Variants in CDH8 observed in about 807,000 individuals in gnomAD.
CDH8 encodes the protein cadherin-8.
A neutral mutation model predicts 68.1 loss-of-function variants in CDH8; 17 were observed. The ratio of observed to expected loss-of-function variants is 0.25; its 90% CI spans 0.17 to 0.37. The LOEUF is 0.37. CDH8 is among the 10% of genes least tolerant of loss of function. The probability of loss-of-function intolerance (pLI) is 1.00; values close to 1 mark genes in which losing one functional copy is unlikely to be tolerated. For synonymous variants in CDH8, 372 were observed against 365.1 expected, an observed-to-expected ratio of 1.02 and a Z score of -0.21; for missense variants, 763 against 999.3, an observed-to-expected ratio of 0.76 and a Z score of 3.19.
At chr16:61,909,783 T>C (rs1334664116) in intron 2 of CDH8, among the ~76,000 whole-genome samples, 2 of 152,118 alleles carry the variant, frequency 1.3e-5, no homozygotes, top group African/African-American at 4.8e-5. Context: ...CTGTAAAATT[T>C]TGAAATAGAA....
At position 61,789,281 on chromosome 16, in the gene CDH8, G is replaced by A. The variant is rs528382690; in HGVS notation, c.1414+65C>T. 9.3e-5 allele frequency: 133 copies of A among 1,428,478 alleles called. No individual in the cohort carries two copies. The East Asian group carries it at 2.1e-3, about 22-fold the overall frequency. The allele number at this position is 1,428,478 out of a possible 1,614,324, so 88.5% of individuals were successfully genotyped here. A position where few individuals can be genotyped will look rare whatever the true frequency, so the allele number is the denominator to read the frequency against. On this transcript the variant is annotated intron_variant, in intron 8 of 11. Transcript: ENST00000577390. ...AACAGAAACAGGGGCTGCTTATCAC[G>A]TTATTAATAAGCATAAATTGAACTC...
chr16:61,683,417 C>T (rs547556131), intron 10 of CDH8, among the ~76,000 whole-genome samples: 7 of 151,886 alleles, frequency 4.6e-5, no homozygotes, highest in Non-Finnish European at 8.8e-5. Flanking sequence ...AATAAGAATA[C>T]GATGACATAA....
At chr16:61,658,955 A>G (rs1398070326) in intron 10 of CDH8, among the ~76,000 whole-genome samples, 3 of 152,190 alleles carry the variant, frequency 2.0e-5, no homozygotes, top group Non-Finnish European at 1.5e-5. Flanking sequence ...GCTGCTGTAT[A>G]TAGTTTATTG....
intron 2 of CDH8, among the ~76,000 whole-genome samples, chr16:62,005,596 C>A (rs146562388): frequency 6.6e-6 from 1 of 151,934 alleles, no homozygotes; most frequent in East Asian, 1.9e-4. Context: ...ATTAGCTGGG[C>A]GTGGAGGTGT....
chr16:61,835,227 T>C (rs898649586), intron 4 of CDH8, among the ~76,000 whole-genome samples: 2 of 152,082 alleles, frequency 1.3e-5, no homozygotes, highest in Admixed American at 6.6e-5. Flanking sequence ...ATCAGACCGC[T>C]GAGGATCATT....
At chr16:62,034,406 T>C (rs1902402511) in intron 1 of CDH8, among the ~76,000 whole-genome samples, 1 of 152,140 alleles carries the variant, frequency 6.6e-6, no homozygotes, top group Non-Finnish European at 1.5e-5. Context: ...CATATAGTTT[T>C]CCAGTTGAAA....
At chr16:61,996,537 T>C (rs1453182765) in intron 2 of CDH8, among the ~76,000 whole-genome samples, 1 of 152,210 alleles carries the variant, frequency 6.6e-6, no homozygotes, top group Non-Finnish European at 1.5e-5. Context: ...TCCATAAAGC[T>C]ACGGCAGCTT....
intron 2 of CDH8, among the ~76,000 whole-genome samples, chr16:61,941,948 G>A (rs141629951): frequency 0.01 from 1,581 of 151,972 alleles, 10 homozygotes; most frequent in South Asian, 0.021. Context: ...CCTGCTCCTC[G>A]TTTTAGTAAA....
At chr16:61,966,070 T>C (rs1178837860) in intron 2 of CDH8, among the ~76,000 whole-genome samples, 1 of 152,200 alleles carries the variant, frequency 6.6e-6, no homozygotes, top group African/African-American at 2.4e-5. Flanking sequence ...AATTCATTGA[T>C]TTTATCGCAA....
chr16:61,807,760 T>A (rs1229368525), intron 7 of CDH8, among the ~76,000 whole-genome samples: 2 of 152,198 alleles, frequency 1.3e-5, no homozygotes, highest in Non-Finnish European at 2.9e-5. Flanking sequence ...CACTTTGGCA[T>A]GACGTAGTAC....
intron 2 of CDH8, among the ~76,000 whole-genome samples, chr16:61,929,202 C>A (rs1244574323): frequency 6.6e-6 from 1 of 152,124 alleles, no homozygotes; most frequent in East Asian, 1.9e-4. Flanking sequence ...AGCCACAGCG[C>A]CTGGCCTGTT....
At position 61,901,213 on chromosome 16, in the gene CDH8, G is replaced by A. The variant is rs2143263178; in HGVS notation, c.513C>T (p.Pro171=). 9.3e-6 allele frequency: 15 copies of A among 1,613,940 alleles called. No individual in the cohort carries two copies. The highest frequency in any genetic ancestry group is 1.2e-5 in the Non-Finnish European group (14 of 1,179,904). Reference sequence around the variant, plus strand: ...ACATTTCTGGCACAGTAGCATGATAGGGTCCATTAAGAAACTCTGGTGCAT... The same window carrying A: ...ACATTTCTGGCACAGTAGCATGATAAGGTCCATTAAGAAACTCTGGTGCAT... ...NDNAPEFLNG[P]YHATVPEMSI... Residue 171 remains proline, a synonymous_variant, in exon 3 of 12, where the codon CCC becomes CCT. Coordinates refer to ENST00000577390, the MANE Select transcript of CDH8 (RefSeq NM_001796.5).
intron 2 of CDH8, among the ~76,000 whole-genome samples, chr16:61,954,476 T>C (rs1597087404): frequency 6.6e-6 from 1 of 151,354 alleles, no homozygotes; most frequent in Non-Finnish European, 1.5e-5. Context: ...CCGAGGCGGG[T>C]GGATCACAAG....
chr16:61,793,338 T>C (rs1400564025), intron 7 of CDH8, among the ~76,000 whole-genome samples: 4 of 151,938 alleles, frequency 2.6e-5, no homozygotes, highest in Admixed American at 2.6e-4. Context: ...GGATTCATTG[T>C]ACAGATTATT....
intron 7 of CDH8, among the ~76,000 whole-genome samples, chr16:61,811,288 A>G (rs1961942680): frequency 6.6e-6 from 1 of 152,208 alleles, no homozygotes; most frequent in South Asian, 2.1e-4. Context: ...AATTACCATT[A>G]GTTGAATTCG....
At chr16:61,925,473 CAGA>C (rs1355562410) in intron 2 of CDH8, among the ~76,000 whole-genome samples, 1 of 152,124 alleles carries the variant, frequency 6.6e-6, no homozygotes, top group African/African-American at 2.4e-5. Flanking sequence ...TTGATGCTAT[CAGA>C]AGGAGGAGAA....
intron 2 of CDH8, among the ~76,000 whole-genome samples, chr16:61,990,542 G>A (rs55769316): frequency 6.6e-6 from 1 of 152,086 alleles, no homozygotes; most frequent in Non-Finnish European, 1.5e-5. Context: ...ACCAGGCACA[G>A]TGGCTCGTAC....
chr16:61,858,007 TA>T (rs141746602), intron 3 of CDH8, among the ~76,000 whole-genome samples: 10 of 151,354 alleles, frequency 6.6e-5, no homozygotes, highest in Non-Finnish European at 8.8e-5. Flanking sequence ...TTGATGCCAT[TA>T]AAAAAAATAA....
chr16:62,029,855 T>C lies in CDH8; in HGVS notation c.-200+6225A>G, dbSNP rs1902282840. Among the ~76,000 whole-genome samples the C allele has an allele frequency of 2.6e-5, 4 of 152,336 alleles. No homozygotes were observed. The South Asian group carries it at 8.3e-4, about 32-fold the overall frequency. On this transcript the variant is annotated intron_variant, in intron 1 of 11. Transcript: ENST00000577390. ...GCTCGTCAGAGATTGCAACTAACTT[T>C]TTCTATTTATTTCAAGAAACTTTAG...
Sources: allele counts gnomAD v4.1 joint callset (sites outside exome capture counted in the v4.1 genomes callset), GRCh38; gene constraint gnomAD v4.1.1; transcripts MANE v1.5; gene names NCBI Gene and HGNC (gene_info 2026-07-23, HGNC 2026-07-21).